SAR1B: variants seen among roughly 807,000 people sequenced by gnomAD.
The protein encoded by SAR1B is small COPII coat GTPase SAR1B.
A neutral mutation model predicts 26.8 loss-of-function variants in SAR1B; 23 were observed. The observed-to-expected ratio is 0.86, with a 90% confidence interval of 0.62 to 1.22. The LOEUF is 1.22. Ranked by LOEUF, SAR1B falls within the 50% of genes most tolerant of loss-of-function variation. The probability of loss-of-function intolerance (pLI) is 0.00; values close to 1 mark genes in which losing one functional copy is unlikely to be tolerated. For missense variants in SAR1B, 196 were observed against 232.8 expected, an observed-to-expected ratio of 0.84 and a Z score of 1.03; for synonymous variants, 65 against 80.8, an observed-to-expected ratio of 0.80 and a Z score of 1.05.
chr5:134,611,954 G>A (rs1164773249), intron 4 of SAR1B, among the ~76,000 whole-genome samples: 1 of 152,174 alleles, frequency 6.6e-6, no homozygotes, highest in African/African-American at 2.4e-5. Flanking sequence ...CTTGAGCCCA[G>A]GAGTTGGAGA....
chr5:134,609,673 A>G lies in SAR1B; in HGVS notation c.246T>C (p.Ala82=). ...TTFDLGGHVQ[A]RRVWKNYLPA... ...GAAGGTAGTTTTTCCACACTCTTCG[A>G]GCTAACAAAAACAATCAGGGGTTAG... Residue 82 remains alanine (A), a splice_region_variant and synonymous_variant, in exon 5 of 7, where the codon GCT becomes GCC. Coordinates refer to ENST00000402673, the MANE Select transcript of SAR1B (RefSeq NM_016103.4). The G allele has an allele frequency of 6.2e-7, 1 of 1,613,528 alleles. No homozygotes were observed. Among genetic ancestry groups the G allele is most frequent in the Middle Eastern group, 1.7e-4 (1 of 6,060 alleles).
intron 4 of SAR1B, 89 bp downstream of exon 4, chr5:134,612,602 A>C: frequency 3.3e-6 from 4 of 1,206,730 alleles, no homozygotes; most frequent in Non-Finnish European, 4.4e-6. Context: ...CTGAGATTGC[A>C]CCACTGCACT....
intron 1 of SAR1B, among the ~76,000 whole-genome samples, chr5:134,625,192 A>G (rs763037659): frequency 6.6e-6 from 1 of 152,186 alleles, no homozygotes; most frequent in Admixed American, 6.6e-5. Flanking sequence ...AAGCATTACA[A>G]TAGCTACTAT....
rs1580642914 is a variant in SAR1B, at chr5:134,603,228, C to G, written c.*3722G>C. The G allele has an allele frequency of 6.6e-6, 1 of 152,292 alleles. No individual in the cohort carries two copies. 9.4% of individuals were successfully genotyped at this position (152,292 alleles called of 1,614,324 possible). A position where few individuals can be genotyped will look rare whatever the true frequency, so the allele number is the denominator to read the frequency against. On this transcript the variant is annotated 3_prime_UTR_variant, in exon 7 of 7. Coordinates refer to ENST00000402673, the MANE Select transcript of SAR1B (RefSeq NM_016103.4). ...AATTTTACTTGGCAATAAATCCTTG[C>G]AAACGTCAGTCATGTAAGTGACTAA...
At chr5:134,626,368 T>C (rs1765494651) in intron 1 of SAR1B, among the ~76,000 whole-genome samples, 1 of 146,794 alleles carries the variant, frequency 6.8e-6, no homozygotes, top group Non-Finnish European at 1.5e-5. Flanking sequence ...CTAGGAGTAA[T>C]TAGAAACAGA....
In SAR1B at chr5:134,612,683, A is replaced by AAAAAT; in HGVS notation, c.244+7_244+8insATTTT. ...AAAAAAAAAAAAAAAAAAAAAAAAG[A>AAAAAT]ATCTTACCTTGAACATGTCCACCCA... On this transcript the variant is annotated splice_region_variant and intron_variant, in intron 4 of 6. Coordinates refer to ENST00000402673, the MANE Select transcript of SAR1B (RefSeq NM_016103.4). 9.5e-7 allele frequency: 1 copy of AAAAAT among 1,055,246 alleles called. No individual in the cohort carries two copies. Among genetic ancestry groups the AAAAAT allele is most frequent in the Non-Finnish European group, 1.3e-6 (1 of 756,326 alleles). The allele number at this position is 1,055,246 out of a possible 1,614,324, so 65.4% of individuals were successfully genotyped here. A position where few individuals can be genotyped will look rare whatever the true frequency, so the allele number is the denominator to read the frequency against.
At chr5:134,612,639 TCTAAAAAAAAAAA>T in intron 4 of SAR1B, 39 bp downstream of exon 4, 2 of 974,396 alleles carry the variant, frequency 2.1e-6, no homozygotes, top group Non-Finnish European at 1.3e-6. Flanking sequence ...AGTGAGCCTG[TCTAAAAAAAAAAA>T]AAAAAAAAAA....
intron 4 of SAR1B, among the ~76,000 whole-genome samples, chr5:134,610,288 G>T (rs1245283913): frequency 1.3e-5 from 2 of 151,960 alleles, no homozygotes; most frequent in African/African-American, 4.8e-5. Flanking sequence ...ACAACATAGT[G>T]AAACCTCATC....
At chr5:134,630,612 A>T (rs1003949178) in intron 1 of SAR1B, among the ~76,000 whole-genome samples, 1 of 150,904 alleles carries the variant, frequency 6.6e-6, no homozygotes, top group African/African-American at 2.4e-5. Context: ...GTGAAACCCC[A>T]TCTCTACTAA....
At chr5:134,617,671 G>T (rs545448569) in intron 3 of SAR1B, among the ~76,000 whole-genome samples, 34 of 151,778 alleles carry the variant, frequency 2.2e-4, no homozygotes, top group South Asian at 4.2e-4. Context: ...TTTTTGTTGG[G>T]TTTTTTTTCT....
chr5:134,628,938 G>A (rs1445320291), intron 1 of SAR1B, among the ~76,000 whole-genome samples: 3 of 152,018 alleles, frequency 2.0e-5, no homozygotes, highest in African/African-American at 7.2e-5. Context: ...ACAGATGTGA[G>A]CCACCATGCC....
chr5:134,624,620 A>G (rs530439765), intron 1 of SAR1B, among the ~76,000 whole-genome samples: 1 of 142,904 alleles, frequency 7.0e-6, no homozygotes, highest in East Asian at 2.0e-4. Flanking sequence ...GGATAAGGGA[A>G]GTGAGTTTTT....
At chr5:134,609,914 T>C (rs984027257) in intron 4 of SAR1B, among the ~76,000 whole-genome samples, 1 of 151,592 alleles carries the variant, frequency 6.6e-6, no homozygotes, top group Non-Finnish European at 1.5e-5. Flanking sequence ...AATTATCATA[T>C]GTAAGGAGTA....
intron 5 of SAR1B, chr5:134,609,202 A>C (rs1385525032): frequency 2.3e-6 from 1 of 427,040 alleles, no homozygotes; most frequent in African/African-American, 2.0e-5. Context: ...CAAAGATGGC[A>C]TGTCCTATCA....
intron 1 of SAR1B, among the ~76,000 whole-genome samples, chr5:134,630,586 C>T (rs1357510780): frequency 1.3e-5 from 2 of 151,032 alleles, no homozygotes; most frequent in African/African-American, 4.9e-5. Context: ...AGTTCAAGAC[C>T]AGCCTGGCCA....
chr5:134,607,522 C>T (rs1487364495), intron 6 of SAR1B, among the ~76,000 whole-genome samples: 1 of 151,714 alleles, frequency 6.6e-6, no homozygotes, highest in Non-Finnish European at 1.5e-5. Context: ...CCTGTAATCT[C>T]AGCACTCTGG....
intron 3 of SAR1B, chr5:134,614,093 C>T (rs1023694016): frequency 6.6e-6 from 1 of 152,032 alleles, no homozygotes; most frequent in Non-Finnish European, 1.5e-5. Flanking sequence ...ATCACTTGAG[C>T]CCAGGAGTTC....
intron 3 of SAR1B, chr5:134,613,143 A>T (rs1288994309): frequency 1.4e-5 from 4 of 292,108 alleles, no homozygotes; most frequent in Admixed American, 9.3e-5. Context: ...TCTTTTAAAA[A>T]GTTCTAAGTT....
chr5:134,620,593 G>A (rs1765388892), intron 3 of SAR1B, among the ~76,000 whole-genome samples: 1 of 152,172 alleles, frequency 6.6e-6, no homozygotes, highest in Non-Finnish European at 1.5e-5. Context: ...AGGTGCAGTG[G>A]CTCACGCCTG....
Sources: allele counts gnomAD v4.1 joint callset (sites outside exome capture counted in the v4.1 genomes callset), GRCh38; gene constraint gnomAD v4.1.1; transcripts MANE v1.5; gene names NCBI Gene and HGNC (gene_info 2026-07-23, HGNC 2026-07-21).